Variants in CDH10 observed in about 807,000 individuals in gnomAD.
The protein encoded by CDH10 is cadherin-10.
Under a neutral mutation model 73.1 loss-of-function variants are expected in CDH10, and 30 were observed. The observed-to-expected ratio is 0.41, with a 90% CI of 0.31 to 0.56. The LOEUF (loss-of-function observed/expected upper bound fraction) is 0.56. CDH10 is among the 20% of genes least tolerant of loss of function. The probability of loss-of-function intolerance (pLI) is 0.27; values close to 1 mark genes in which losing one functional copy is unlikely to be tolerated. For synonymous variants in CDH10, 345 were observed against 348.2 expected, an observed-to-expected ratio of 0.99 and a Z score of 0.10; for missense variants, 815 against 973.7, an observed-to-expected ratio of 0.84 and a Z score of 2.17.
chr5:24,600,425 T>C (rs1746517341), intron 1 of CDH10, among the ~76,000 whole-genome samples: 1 of 151,598 alleles, frequency 6.6e-6, no homozygotes, highest in Non-Finnish European at 1.5e-5. Flanking sequence ...ATGAATTCTG[T>C]TGTGTGGAAT....
At chr5:24,506,875 G>C (rs1269463869) in intron 7 of CDH10, among the ~76,000 whole-genome samples, 1 of 152,156 alleles carries the variant, frequency 6.6e-6, no homozygotes, top group Non-Finnish European at 1.5e-5. Context: ...CATTTCATGT[G>C]TGTTCTTTCT....
At chr5:24,616,290 C>T (rs1397783885) in intron 1 of CDH10, among the ~76,000 whole-genome samples, 3 of 152,188 alleles carry the variant, frequency 2.0e-5, no homozygotes, top group East Asian at 3.9e-4. Context: ...TTCTGCATTT[C>T]CCAAGGCTCA....
chr5:24,507,452 A>G (rs1742737664), intron 7 of CDH10, among the ~76,000 whole-genome samples: 2 of 151,486 alleles, frequency 1.3e-5, no homozygotes, highest in South Asian at 4.1e-4. Context: ...TAGTCTTTAG[A>G]CTTGCATCCT....
chr5:24,642,669 TC>T (rs1157157830), intron 1 of CDH10, among the ~76,000 whole-genome samples: 1 of 152,154 alleles, frequency 6.6e-6, no homozygotes, highest in Non-Finnish European at 1.5e-5. Flanking sequence ...TCTATAAACA[TC>T]AAGGAACATC....
intron 2 of CDH10, among the ~76,000 whole-genome samples, chr5:24,576,669 A>T (rs879566365): frequency 1.2e-4 from 18 of 152,194 alleles, no homozygotes; most frequent in Non-Finnish European, 2.2e-4. Flanking sequence ...GTGAATATAA[A>T]TAAATTACTA....
At chr5:24,626,128 T>C (rs1359853312) in intron 1 of CDH10, among the ~76,000 whole-genome samples, 1 of 152,090 alleles carries the variant, frequency 6.6e-6, no homozygotes, top group Non-Finnish European at 1.5e-5. Context: ...ACAAAACCAA[T>C]GGCCATTCAA....
chr5:24,636,632 T>C (rs1237776729), intron 1 of CDH10, among the ~76,000 whole-genome samples: 1 of 151,854 alleles, frequency 6.6e-6, no homozygotes, highest in Non-Finnish European at 1.5e-5. Flanking sequence ...AATACACCTA[T>C]ATAACAAACC....
intron 1 of CDH10, among the ~76,000 whole-genome samples, chr5:24,605,123 C>T (rs936897092): frequency 5.3e-5 from 8 of 151,968 alleles, no homozygotes; most frequent in Non-Finnish European, 1.2e-4. Context: ...ATCATTCATC[C>T]GTATGGAACA....
rs1219331258 is a variant in CDH10, at chr5:24,509,801, G to A, written c.1021C>T (p.Arg341Ter). 3 of 1,609,696 alleles carry A rather than the reference G, an allele frequency of 1.9e-6. No homozygotes were observed. Among genetic ancestry groups the A allele is most frequent in the Admixed American group, 1.7e-5 (1 of 59,354 alleles). Residue 341 changes from arginine to a stop codon, truncating the protein, a stop_gained, in exon 7 of 12, where the codon CGA (arginine) becomes TGA (stop). Coordinates refer to ENST00000264463, the MANE Select transcript of CDH10 (RefSeq NM_006727.5). LOFTEE classifies it high-confidence loss of function. The part of the protein sequence containing the change: ...TVKKPLDYES[R>*]RLYTLKVEAE... Reference sequence around the variant, plus strand: ...TCGACTTTCAGAGTATAAAGTCTTCGGCTCTCATAGTCGAGTGGCTGTATA... The same window carrying A: ...TCGACTTTCAGAGTATAAAGTCTTCAGCTCTCATAGTCGAGTGGCTGTATA...
chr5:24,578,807 T>C (rs1745690122), intron 2 of CDH10, among the ~76,000 whole-genome samples: 1 of 152,160 alleles, frequency 6.6e-6, no homozygotes, highest in Non-Finnish European at 1.5e-5. Flanking sequence ...ATGGAAAACA[T>C]GTTGATACTG....
At chr5:24,494,202 CTT>C (rs1206085903) in intron 9 of CDH10, among the ~76,000 whole-genome samples, 3 of 151,630 alleles carry the variant, frequency 2.0e-5, no homozygotes, top group African/African-American at 4.8e-5. Flanking sequence ...TTAATTGTAA[CTT>C]AAAATTAAAT....
At chr5:24,540,230 G>A (rs1185593404) in intron 2 of CDH10, among the ~76,000 whole-genome samples, 1 of 151,712 alleles carries the variant, frequency 6.6e-6, no homozygotes, top group Non-Finnish European at 1.5e-5. Flanking sequence ...TTTGAACCTG[G>A]GAAATTTTTA....
At chr5:24,503,328 A>C (rs1337368999) in intron 8 of CDH10, among the ~76,000 whole-genome samples, 4 of 152,180 alleles carry the variant, frequency 2.6e-5, no homozygotes, top group Non-Finnish European at 5.9e-5. Flanking sequence ...AAAACAGGTC[A>C]AGAGTTGCTC....
At chr5:24,546,924 A>C (rs553077098) in intron 2 of CDH10, among the ~76,000 whole-genome samples, 1 of 152,312 alleles carries the variant, frequency 6.6e-6, no homozygotes, top group African/African-American at 2.4e-5. Flanking sequence ...AAGCCTGAAT[A>C]TTTTAAATGA....
At chr5:24,608,721 G>A (rs1172486432) in intron 1 of CDH10, among the ~76,000 whole-genome samples, 1 of 152,120 alleles carries the variant, frequency 6.6e-6, no homozygotes, top group Non-Finnish European at 1.5e-5. Context: ...TTTGTTTAAT[G>A]AACAATTGTT....
chr5:24,502,321 T>C (rs571425279), intron 8 of CDH10, among the ~76,000 whole-genome samples: 1 of 152,278 alleles, frequency 6.6e-6, no homozygotes. Context: ...TGCCATATGA[T>C]GTGATATATT....
At chr5:24,575,237 C>T (rs557477195) in intron 2 of CDH10, among the ~76,000 whole-genome samples, 1 of 145,830 alleles carries the variant, frequency 6.9e-6, no homozygotes, top group Non-Finnish European at 1.5e-5. Flanking sequence ...TGGCATACAC[C>T]TGTAATCTTA....
chr5:24,563,068 G>T (rs1258090566), intron 2 of CDH10, among the ~76,000 whole-genome samples: 1 of 152,112 alleles, frequency 6.6e-6, no homozygotes, highest in African/African-American at 2.4e-5. Context: ...TTCACCAGTT[G>T]TTCCAATAAT....
chr5:24,528,376 A>G (rs1743607549), intron 5 of CDH10, among the ~76,000 whole-genome samples: 1 of 151,960 alleles, frequency 6.6e-6, no homozygotes, highest in South Asian at 2.1e-4. Context: ...TGGGGCCTAC[A>G]TTACCTTGGG....
Sources: allele counts gnomAD v4.1 joint callset (sites outside exome capture counted in the v4.1 genomes callset), GRCh38; gene constraint gnomAD v4.1.1; transcripts MANE v1.5; gene names NCBI Gene and HGNC (gene_info 2026-07-23, HGNC 2026-07-21).